The following GINS1 variants were observed in gnomAD, a reference collection of about 807,000 sequenced individuals.
The protein encoded by GINS1 is DNA replication complex GINS protein PSF1.
A neutral mutation model predicts 34.9 loss-of-function variants in GINS1; 26 were observed. The observed-to-expected ratio is 0.74, with a 90% CI of 0.55 to 1.03. The LOEUF is 1.03. Ranked by LOEUF, GINS1 falls within the 50% of genes least tolerant of loss-of-function variation. The pLI, the probability that GINS1 is intolerant of heterozygous loss-of-function variation, is 0.00. For synonymous variants in GINS1, 97 were observed against 84.4 expected, an observed-to-expected ratio of 1.15 and a Z score of -0.82; for missense variants, 235 against 237.9, an observed-to-expected ratio of 0.99 and a Z score of 0.08.
chr20:25,414,935 CTT>C (rs1271572818), intron 2 of GINS1, among the ~76,000 whole-genome samples: 1 of 152,148 alleles, frequency 6.6e-6, no homozygotes, highest in Non-Finnish European at 1.5e-5. Flanking sequence ...TTTATTGACT[CTT>C]TAGAACTGAG....
At chr20:25,424,245 CTT>C (rs1175638386) in intron 4 of GINS1, among the ~76,000 whole-genome samples, 1 of 152,080 alleles carries the variant, frequency 6.6e-6, no homozygotes, top group Non-Finnish European at 1.5e-5. Context: ...CCATCTTGTT[CTT>C]TTTTGAGAGC....
chr20:25,413,620 G>T (rs2090301139), intron 1 of GINS1, 170 bp from the exon 2 acceptor site: 1 of 589,950 alleles, frequency 1.7e-6, no homozygotes, highest in Non-Finnish European at 3.1e-6. Flanking sequence ...GAGGGTTCCA[G>T]TTTCTCCGCA....
chr20:25,421,997 A>G (rs1047473099), intron 4 of GINS1, among the ~76,000 whole-genome samples: 2 of 152,222 alleles, frequency 1.3e-5, no homozygotes, highest in African/African-American at 2.4e-5. Flanking sequence ...ATAAAAAACA[A>G]TGCAGTTTTT....
chr20:25,419,518 C>T (rs6115178), intron 4 of GINS1, among the ~76,000 whole-genome samples: 16,474 of 152,192 alleles, frequency 0.11, 953 homozygotes, highest in African/African-American at 0.13. Flanking sequence ...GTTAGTACCT[C>T]ACTTTATGCT....
At chr20:25,442,848 C>T (rs185032574) in intron 6 of GINS1, among the ~76,000 whole-genome samples, 2 of 152,230 alleles carry the variant, frequency 1.3e-5, no homozygotes, top group East Asian at 3.9e-4. Context: ...TCAAGCAATC[C>T]ACCCACCTCA....
chr20:25,435,094 G>A (rs142292260), intron 5 of GINS1, among the ~76,000 whole-genome samples: 46 of 152,236 alleles, frequency 3.0e-4, no homozygotes, highest in African/African-American at 1.1e-3. Flanking sequence ...TACCTATATT[G>A]AGATCTTTAT....
chr20:25,428,634 A>G (rs1332271990), intron 5 of GINS1, among the ~76,000 whole-genome samples: 1 of 150,422 alleles, frequency 6.6e-6, no homozygotes, highest in Non-Finnish European at 1.5e-5. Context: ...TGGATCTCCT[A>G]ACCTTGTGAT....
rs1600923593 is a variant in GINS1 at position 25,418,124 on chromosome 20, A to C, written c.259A>C (p.Ile87Leu). Residue 87 changes from isoleucine to leucine, a missense_variant, in exon 4 of 7, where the codon ATC becomes CTC. Physicochemically the swap from Ile to Leu is conservative, Grantham distance 5 (BLOSUM62 2). Transcript: ENST00000262460. The part of the protein sequence containing the change: ...VAYLYDRLLR[I>L]RALRWEYGSV... ...TCCTAGGTATGACCGCTTGCTTCGG[A>C]TCAGAGCACTCAGATGGGAATATGG... 1.2e-6 allele frequency: 2 copies of C among 1,600,820 alleles called. No homozygotes were observed. Among genetic ancestry groups the C allele is most frequent in the South Asian group, 2.2e-5 (2 of 90,842 alleles).
At chr20:25,425,637 A>C (rs1376854321) in intron 5 of GINS1, among the ~76,000 whole-genome samples, 2 of 152,224 alleles carry the variant, frequency 1.3e-5, no homozygotes, top group Admixed American at 6.5e-5. Flanking sequence ...ATGTCAAAAC[A>C]AAGTTAAATC....
At chr20:25,423,924 G>A (rs576945206) in intron 4 of GINS1, among the ~76,000 whole-genome samples, 1 of 151,954 alleles carries the variant, frequency 6.6e-6, no homozygotes, top group Non-Finnish European at 1.5e-5. Context: ...TTTTTTCTAT[G>A]TAATCTTTTA....
At chr20:25,443,887 AT>A (rs1157573716) in intron 6 of GINS1, among the ~76,000 whole-genome samples, 1 of 152,116 alleles carries the variant, frequency 6.6e-6, no homozygotes, top group Non-Finnish European at 1.5e-5. Context: ...GATGGTTGGT[AT>A]TAGGGGCTTC....
intron 5 of GINS1, among the ~76,000 whole-genome samples, chr20:25,429,344 G>A (rs1321261540): frequency 6.6e-6 from 1 of 152,046 alleles, no homozygotes; most frequent in African/African-American, 2.4e-5. Context: ...TGGATTGTGG[G>A]ATGGGTTTTT....
At chr20:25,413,063 T>A (rs2090296425) in intron 1 of GINS1, among the ~76,000 whole-genome samples, 1 of 152,104 alleles carries the variant, frequency 6.6e-6, no homozygotes, top group Non-Finnish European at 1.5e-5. Context: ...TTCATTTTTT[T>A]TTTTTTTTTC....
chr20:25,434,443 T>TTTTTC (rs60830840), intron 5 of GINS1, among the ~76,000 whole-genome samples: 84,824 of 150,284 alleles, frequency 0.56, 24,575 homozygotes, highest in African/African-American at 0.62. Context: ...ACAGTAATTT[T>TTTTTC]TTTTCTTTTT....
chr20:25,436,590 C>T (rs1481560327), intron 5 of GINS1, among the ~76,000 whole-genome samples: 1 of 152,088 alleles, frequency 6.6e-6, no homozygotes, highest in South Asian at 2.1e-4. Flanking sequence ...GTCTTTGAAT[C>T]CCTCAAGTGA....
chr20:25,419,289 T>G (rs7263188), intron 4 of GINS1, among the ~76,000 whole-genome samples: 3,303 of 151,996 alleles, frequency 0.022, 118 homozygotes, highest in African/African-American at 0.076. Context: ...CCATGGCACA[T>G]GTATACCTAT....
At chr20:25,413,007 A>G (rs754428558) in intron 1 of GINS1, among the ~76,000 whole-genome samples, 8 of 151,678 alleles carry the variant, frequency 5.3e-5, no homozygotes, top group Non-Finnish European at 1.2e-4. Context: ...CTTGCTCAGT[A>G]TAACGTATTT....
intron 3 of GINS1, among the ~76,000 whole-genome samples, 193 bp from the exon 4 acceptor site, chr20:25,417,912 G>GACT (rs1028035745): frequency 4.6e-5 from 7 of 152,126 alleles, no homozygotes; most frequent in Non-Finnish European, 1.0e-4. Context: ...TTTTTCCCAG[G>GACT]ACTACTGTGC....
intron 1 of GINS1, chr20:25,408,921 G>A (rs1375200615): frequency 3.7e-5 from 36 of 983,624 alleles, no homozygotes; most frequent in Non-Finnish European, 4.2e-5. Flanking sequence ...CTGGAAGATG[G>A]GCACAAAAAC....
Sources: gnomAD v4.1 joint callset for allele counts (sites outside exome capture counted in the v4.1 genomes callset) on GRCh38, gnomAD v4.1.1 for gene constraint, MANE v1.5 for transcripts, NCBI Gene and HGNC (gene_info 2026-07-23, HGNC 2026-07-21) for gene names.